The following RXRA variants were observed in gnomAD, a reference collection of about 807,000 sequenced individuals.
The protein encoded by RXRA is retinoid X receptor alpha, also known as retinoic acid receptor RXR-alpha.
In RXRA, 5 loss-of-function variants were observed where a neutral mutation model predicts 44.5. The observed-to-expected ratio is 0.11, with a 90% CI of 0.06 to 0.24. The LOEUF (loss-of-function observed/expected upper bound fraction) is 0.24, where lower values mean the gene tolerates loss of function less well. RXRA is among the 10% of genes least tolerant of loss of function. The probability of loss-of-function intolerance (pLI) is 1.00; values close to 1 mark genes in which losing one functional copy is unlikely to be tolerated. For missense variants in RXRA, 412 were observed against 646.5 expected, an observed-to-expected ratio of 0.64 and a Z score of 3.93; for synonymous variants, 291 against 271.4, an observed-to-expected ratio of 1.07 and a Z score of -0.71.
chr9:134,413,215 G>A (rs540461270), intron 4 of RXRA, among the ~76,000 whole-genome samples: 9 of 152,274 alleles, frequency 5.9e-5, no homozygotes, highest in African/African-American at 9.6e-5. Flanking sequence ...TGAGAGTGCT[G>A]TGCGTGGCTG....
chr9:134,417,429 G>A lies in RXRA; in HGVS notation c.780+102G>A, dbSNP rs1322815163. ...CAGCTGATGAGCCAGAGAGGTCCTGGGGGCTGCCCTGGGCCCTGTGGCTGC... is the reference window on the plus strand; with the variant it reads ...CAGCTGATGAGCCAGAGAGGTCCTGAGGGCTGCCCTGGGCCCTGTGGCTGC... On this transcript the variant is annotated intron_variant, in intron 5 of 9. Coordinates refer to ENST00000481739, the MANE Select transcript of RXRA (RefSeq NM_002957.6). The surrounding 1 kb of genome is among the most constrained non-coding windows in gnomAD (Gnocchi z 6.1). 5.2e-5 allele frequency: 73 copies of A among 1,396,096 alleles called. No individual in the cohort carries two copies. Among genetic ancestry groups the A allele is most frequent in the Non-Finnish European group, 6.9e-5 (71 of 1,024,884 alleles). The allele number at this position is 1,396,096 out of a possible 1,614,324, so 86.5% of individuals were successfully genotyped here.
intron 1 of RXRA, among the ~76,000 whole-genome samples, chr9:134,370,496 G>T (rs1046824166): frequency 6.6e-6 from 1 of 152,246 alleles, no homozygotes; most frequent in African/African-American, 2.4e-5. Context: ...CACCTCTACA[G>T]GACAAGGCCA....
intron 1 of RXRA, among the ~76,000 whole-genome samples, chr9:134,377,621 A>T (rs150625440): frequency 1.3e-5 from 2 of 152,246 alleles, no homozygotes; most frequent in East Asian, 3.9e-4. Flanking sequence ...CTCCGGGACC[A>T]CTTCTGTCTC....
chr9:134,379,579 C>A (rs1226845110), intron 1 of RXRA: 3 of 985,334 alleles, frequency 3.0e-6, no homozygotes, highest in Non-Finnish European at 3.6e-6. Context: ...TTGCTCCAGG[C>A]CTTGGGTGAT....
At chr9:134,400,999 C>T (rs569228052) in intron 1 of RXRA, among the ~76,000 whole-genome samples, 14 of 152,340 alleles carry the variant, frequency 9.2e-5, no homozygotes, top group Admixed American at 5.9e-4. Flanking sequence ...GTTAGGGCCA[C>T]AGACATGGGA....
At chr9:134,395,813 C>A (rs1336572846) in intron 1 of RXRA, among the ~76,000 whole-genome samples, 1 of 152,236 alleles carries the variant, frequency 6.6e-6, no homozygotes, top group Non-Finnish European at 1.5e-5. Context: ...TCTGGCCTGT[C>A]CTCAGATGGG....
intron 6 of RXRA, chr9:134,422,529 T>G (rs1831362622): frequency 6.0e-6 from 7 of 1,166,278 alleles, no homozygotes; most frequent in East Asian, 6.5e-5. Flanking sequence ...CACTCCCCCC[T>G]TCCGGGACAC....
intron 1 of RXRA, among the ~76,000 whole-genome samples, chr9:134,386,548 T>A (rs76918824): frequency 0.075 from 11,372 of 152,222 alleles, 482 homozygotes; most frequent in African/African-American, 0.1. Context: ...GGGCCAGGTC[T>A]GGGACACCCC....
rs554457831 is a variant in RXRA at position 134,389,000 on chromosome 9, G to A, written c.29-12632G>A. 1.5e-4 allele frequency among the ~76,000 whole-genome samples: 23 copies of A among 152,088 alleles called. No homozygotes were observed. In the East Asian group the frequency reaches 4.1e-3, roughly 27 times the overall value. ...CCAGAGGGCTGAGACCCGGTGACCT[G>A]CCTCCTCCAGGGTGGCCTCAGGCCT... On this transcript the variant is annotated intron_variant, in intron 1 of 9. Coordinates refer to ENST00000481739, the MANE Select transcript of RXRA (RefSeq NM_002957.6).
intron 2 of RXRA, chr9:134,405,558 C>G (rs1015051766): frequency 6.6e-6 from 1 of 152,324 alleles, no homozygotes; most frequent in African/African-American, 2.4e-5. Context: ...CCTCAGTTTA[C>G]CCAGGGCAGG....
intron 4 of RXRA, among the ~76,000 whole-genome samples, chr9:134,412,793 A>G (rs1435996609): frequency 6.6e-6 from 1 of 152,102 alleles, no homozygotes; most frequent in Non-Finnish European, 1.5e-5. Flanking sequence ...TCCGATGGAA[A>G]AGACCTAGCT....
intron 1 of RXRA, among the ~76,000 whole-genome samples, chr9:134,329,239 C>T (rs1320673706): frequency 1.3e-5 from 2 of 152,250 alleles, no homozygotes; most frequent in African/African-American, 4.8e-5. Context: ...AACATCAGAG[C>T]CCTTGGGACC....
chr9:134,426,669 GC>G lies in RXRA; in HGVS notation c.911-2437del, dbSNP rs1396681416. 3 of 985,332 alleles carry G rather than the reference GC, an allele frequency of 3.0e-6. No individual in the cohort carries two copies. The African/African-American group carries it at 5.2e-5, about 17-fold the overall frequency. The allele number at this position is 985,332 out of a possible 1,614,324, so 61.0% of individuals were successfully genotyped here. Reference sequence around the variant, plus strand: ...GTTTCAGAGGCGAGTCTACCCTGGTGCCTGCTGGGTGGCCTCAGGGGCTCTC... The same window carrying G: ...GTTTCAGAGGCGAGTCTACCCTGGTGCTGCTGGGTGGCCTCAGGGGCTCTC... On this transcript the variant is annotated intron_variant, in intron 6 of 9. Transcript: ENST00000481739. This position sits in a 1 kb window ranked among gnomAD's most constrained non-coding sequence, Gnocchi z 4.6.
At chr9:134,403,331 C>T (rs1830994393) in intron 2 of RXRA, 1 of 152,404 alleles carries the variant, frequency 6.6e-6, no homozygotes, top group East Asian at 1.9e-4. Flanking sequence ...CCTCATATCA[C>T]CTGGCCTTCC....
At chr9:134,329,784 A>C (rs1375450914) in intron 1 of RXRA, among the ~76,000 whole-genome samples, 1 of 151,970 alleles carries the variant, frequency 6.6e-6, no homozygotes, top group East Asian at 1.9e-4. Flanking sequence ...CCCCTGCCCC[A>C]TCTCCCCCGT....
chr9:134,384,148 C>A (rs773915349), intron 1 of RXRA, among the ~76,000 whole-genome samples: 1 of 152,044 alleles, frequency 6.6e-6, no homozygotes, highest in African/African-American at 2.4e-5. Flanking sequence ...ACACTGTCAC[C>A]CCCGGGGGGA....
At chr9:134,399,209 A>G (rs896162659) in intron 1 of RXRA, among the ~76,000 whole-genome samples, 2 of 152,210 alleles carry the variant, frequency 1.3e-5, no homozygotes, top group Admixed American at 1.3e-4. Flanking sequence ...TGAGGCAGCC[A>G]TGTGGCATTC....
chr9:134,417,351 T>C lies in RXRA; in HGVS notation c.780+24T>C, dbSNP rs1223052680. 2.5e-6 allele frequency: 4 copies of C among 1,607,118 alleles called. No individual in the cohort carries two copies. Among genetic ancestry groups the C allele is most frequent in the Admixed American group, 3.3e-5 (2 of 59,810 alleles). On this transcript the variant is annotated intron_variant, in intron 5 of 9. Coordinates refer to ENST00000481739, the MANE Select transcript of RXRA (RefSeq NM_002957.6). This position sits in a 1 kb window ranked among gnomAD's most constrained non-coding sequence, Gnocchi z 6.1. ...CGGTGAGTTGCAGCCTGTGCAGGGG[T>C]GGGCAGCCTCACATGCCTCAGTTTC...
intron 5 of RXRA, among the ~76,000 whole-genome samples, chr9:134,421,240 C>T (rs961710028): frequency 8.5e-5 from 13 of 152,350 alleles, no homozygotes; most frequent in East Asian, 3.9e-4. Context: ...AGGTGCCTGC[C>T]GGCTGGCTCC....
Sources: gnomAD v4.1 joint callset for allele counts (sites outside exome capture counted in the v4.1 genomes callset) on GRCh38, gnomAD v4.1.1 for gene constraint, Gnocchi (gnomAD v3.1) non-coding constraint, MANE v1.5 for transcripts, NCBI Gene and HGNC (gene_info 2026-07-23, HGNC 2026-07-21) for gene names.